Variants in GSDMC observed in about 807,000 individuals in gnomAD.
The protein encoded by GSDMC is gasdermin C, also known as gasdermin-C.
GSDMC carries 59 observed loss-of-function variants against 58.0 expected under a neutral mutation model. That is an observed-to-expected ratio of 1.02 (90% CI 0.82 to 1.26). The LOEUF is 1.26. GSDMC is among the 50% of genes most tolerant of loss of function. The pLI, the probability that GSDMC is intolerant of heterozygous loss-of-function variation, is 0.00. For missense variants in GSDMC, 659 were observed against 598.5 expected, an observed-to-expected ratio of 1.10 and a Z score of -1.06; for synonymous variants, 241 against 220.2, an observed-to-expected ratio of 1.09 and a Z score of -0.83.
intron 3 of GSDMC, among the ~76,000 whole-genome samples, chr8:129,768,151 C>G (rs1563804917): frequency 6.6e-6 from 1 of 152,174 alleles, no homozygotes; most frequent in Non-Finnish European, 1.5e-5. Context: ...GCCGCATCAA[C>G]TAGAGAGTGT....
At chr8:129,739,530 CTGACAATGACAGGCCACACGTA>C in the GSDMC span, among the ~76,000 whole-genome samples, 1 of 152,156 alleles carries the variant, frequency 6.6e-6, no homozygotes, top group South Asian at 2.1e-4. Context: ...AAAGACATTT[CTGACAATGACAGGCCACACGTA>C]TGACGGTGGT....
the GSDMC span, among the ~76,000 whole-genome samples, chr8:129,711,480 C>T: frequency 6.6e-6 from 1 of 152,280 alleles, no homozygotes; most frequent in East Asian, 1.9e-4. Context: ...AAAACAGAGA[C>T]CATTTTTTCT....
the GSDMC span, among the ~76,000 whole-genome samples, chr8:129,715,028 A>G: frequency 1.3e-5 from 2 of 152,212 alleles, no homozygotes; most frequent in African/African-American, 4.8e-5. Context: ...TAAGGCGTCT[A>G]TGCTTTACCT....
At chr8:129,714,124 C>T in the GSDMC span, among the ~76,000 whole-genome samples, 3 of 152,156 alleles carry the variant, frequency 2.0e-5, no homozygotes, top group Non-Finnish European at 2.9e-5. Flanking sequence ...AACAGAGCTT[C>T]ATCTCTCACA....
rs148894275 is a variant in GSDMC at position 129,767,521 on chromosome 8, A to T, written c.405-1728T>A. ...AACACAGCCTTGAAGCTCTGCCTGC[A>T]ACCACACAGAGCTACACATGTGGGC... On this transcript the variant is annotated intron_variant, in intron 3 of 13. Coordinates refer to ENST00000276708, the MANE Select transcript of GSDMC (RefSeq NM_031415.3). 2.1e-5 allele frequency among the ~76,000 whole-genome samples: 3 copies of T among 142,844 alleles called. No homozygotes were observed. The East Asian group carries it at 5.9e-4, about 28-fold the overall frequency. The allele number at this position is 142,844 out of a possible 152,430, so 93.7% of individuals were successfully genotyped here. A position where few individuals can be genotyped will look rare whatever the true frequency, so the allele number is the denominator to read the frequency against.
At position 129,752,135 on chromosome 8, in the gene GSDMC, G is replaced by C. The variant is rs1447594610; in HGVS notation, c.857C>G (p.Thr286Arg). 6.2e-7 allele frequency: 1 copy of C among 1,612,788 alleles called. No individual in the cohort carries two copies. The highest frequency in any genetic ancestry group is 1.3e-5 in the African/African-American group (1 of 74,886). Residue 286 changes from threonine to arginine, a missense_variant, in exon 8 of 14, where the codon ACA becomes AGA. Coordinates refer to ENST00000276708, the MANE Select transcript of GSDMC (RefSeq NM_031415.3). Reference sequence around the variant, plus strand: ...CAAATGCCCGCTCAAAAATTGCTGTGTCAGAAATAGCTCTGGAAAGAGAAA... The same window carrying C: ...CAAATGCCCGCTCAAAAATTGCTGTCTCAGAAATAGCTCTGGAAAGAGAAA... ...DMKLKPELFL[T>R]QQFLSGHLPK...
At chr8:129,741,726 T>C in the GSDMC span, among the ~76,000 whole-genome samples, 1 of 151,392 alleles carries the variant, frequency 6.6e-6, no homozygotes, top group Non-Finnish European at 1.5e-5. Flanking sequence ...AGTATGGAGG[T>C]CCCTCAAAAA....
At chr8:129,716,515 G>A in the GSDMC span, among the ~76,000 whole-genome samples, 389 of 152,202 alleles carry the variant, frequency 2.6e-3, 2 homozygotes, top group African/African-American at 9.0e-3. Context: ...AGGAGATTTG[G>A]GGCTGAGACA....
intron 1 of GSDMC, among the ~76,000 whole-genome samples, chr8:129,778,355 T>C (rs2034309077): frequency 6.6e-6 from 1 of 152,118 alleles, no homozygotes; most frequent in African/African-American, 2.4e-5. Flanking sequence ...GTTGGATGCA[T>C]ATATGTCTTC....
At chr8:129,743,543 A>G (rs2032907037), downstream of GSDMC, among the ~76,000 whole-genome samples, 1 of 152,100 alleles carries the variant, frequency 6.6e-6, no homozygotes, top group Non-Finnish European at 1.5e-5. Context: ...TCGTCATCCC[A>G]TCTGTCATTT....
In GSDMC at chr8:129,750,430, C is replaced by A. The variant is rs200589285; in HGVS notation, c.1083+1G>T. ...ACCTATGCAACTGTGGAGCCCCTCA[C>A]CATGTTCATCAGGTCCTGTAGAGCC... On this transcript the variant is annotated splice_donor_variant, in intron 11 of 13. Coordinates refer to ENST00000276708, the MANE Select transcript of GSDMC (RefSeq NM_031415.3). LOFTEE classifies it high-confidence loss of function. 3.4e-5 allele frequency: 55 copies of A among 1,612,938 alleles called. No homozygotes were observed. The African/African-American group carries it at 6.8e-4, about 20-fold the overall frequency.
the GSDMC span, among the ~76,000 whole-genome samples, chr8:129,723,665 G>C: frequency 6.6e-6 from 1 of 152,092 alleles, no homozygotes; most frequent in Non-Finnish European, 1.5e-5. Context: ...CAAAGCCCTG[G>C]TTCCTAGGCA....
the GSDMC span, among the ~76,000 whole-genome samples, chr8:129,721,690 T>C: frequency 6.6e-6 from 1 of 152,304 alleles, no homozygotes; most frequent in Admixed American, 6.5e-5. Context: ...TCACTCTCCA[T>C]ATTACTGCTC....
chr8:129,731,910 G>A, the GSDMC span, among the ~76,000 whole-genome samples: 1,159 of 152,306 alleles, frequency 7.6e-3, 16 homozygotes, highest in African/African-American at 0.026. Flanking sequence ...CCTCTTAGAA[G>A]CAAGAGGAGA....
At position 129,775,092 on chromosome 8, in the gene GSDMC, G is replaced by C. The variant is rs562067561; in HGVS notation, c.404+1010C>G. Among the ~76,000 whole-genome samples, 423 of 152,250 alleles carry C rather than the reference G, an allele frequency of 2.8e-3. 2 individuals are homozygous for C. Among genetic ancestry groups the C allele is most frequent in the Non-Finnish European group, 4.8e-3 (325 of 68,008 alleles). ...TACAGCCAATGAAAATTAATCAGTA[G>C]CTCAAAGACATGTCTGCACTTCCAT... On this transcript the variant is annotated intron_variant, in intron 3 of 13. Transcript: ENST00000276708.
the GSDMC span, among the ~76,000 whole-genome samples, chr8:129,720,976 A>G: frequency 1.3e-5 from 2 of 152,228 alleles, no homozygotes; most frequent in African/African-American, 4.8e-5. Flanking sequence ...GGGCTGGAAG[A>G]AGTTCTATCT....
the GSDMC span, among the ~76,000 whole-genome samples, chr8:129,706,160 C>T: frequency 6.6e-6 from 1 of 152,250 alleles, no homozygotes; most frequent in Non-Finnish European, 1.5e-5. Context: ...GGAATTGAAA[C>T]TGGTTGATGT....
At chr8:129,741,935 TATAC>T in the GSDMC span, among the ~76,000 whole-genome samples, 67 of 142,902 alleles carry the variant, frequency 4.7e-4, 1 homozygote, top group Admixed American at 7.8e-4. Flanking sequence ...TATATATATA[TATAC>T]ATGAAATAAT....
At chr8:129,728,851 G>A in the GSDMC span, 1 of 616,022 alleles carries the variant, frequency 1.6e-6, no homozygotes, top group Non-Finnish European at 3.1e-6. Context: ...CTGCTGGAGA[G>A]GCTGTTCGCC....
Sources: gnomAD v4.1 joint callset for allele counts (sites outside exome capture counted in the v4.1 genomes callset) on GRCh38, gnomAD v4.1.1 for gene constraint, MANE v1.5 for transcripts, NCBI Gene and HGNC (gene_info 2026-07-23, HGNC 2026-07-21) for gene names.